The following RIT2 variants were observed in gnomAD, a reference collection of about 807,000 sequenced individuals.
RIT2 encodes GTP-binding protein Rit2.
In RIT2, 24 loss-of-function variants were observed where a neutral mutation model predicts 23.7. That is an observed-to-expected ratio of 1.01 (90% CI 0.73 to 1.43). The LOEUF is 1.43. RIT2 is among the 40% of genes most tolerant of loss of function. The pLI is 0.00. For missense variants in RIT2, 236 were observed against 266.9 expected, an observed-to-expected ratio of 0.88 and a Z score of 0.81; for synonymous variants, 107 against 91.1, an observed-to-expected ratio of 1.17 and a Z score of -0.99.
chr18:42,784,270 T>TAA (rs34931428), intron 4 of RIT2, among the ~76,000 whole-genome samples: 32 of 142,306 alleles, frequency 2.2e-4, no homozygotes, highest in African/African-American at 4.5e-4. Context: ...TCCCTTGCGC[T>TAA]AAAAAAAAAA....
chr18:42,822,992 A>G (rs569780319), intron 4 of RIT2, among the ~76,000 whole-genome samples: 22 of 152,128 alleles, frequency 1.4e-4, no homozygotes, highest in Non-Finnish European at 2.8e-4. Context: ...ACTGTGCCCA[A>G]GAAAACTATG....
chr18:42,880,301 C>G (rs569712024), intron 4 of RIT2, among the ~76,000 whole-genome samples: 2 of 152,250 alleles, frequency 1.3e-5, no homozygotes, highest in African/African-American at 4.8e-5. Flanking sequence ...ATTTCTTTCT[C>G]AGTTTTCTCT....
intron 4 of RIT2, among the ~76,000 whole-genome samples, chr18:42,778,668 C>G (rs567114186): frequency 1.5e-4 from 21 of 136,674 alleles, no homozygotes; most frequent in Non-Finnish European, 3.3e-4. Context: ...CTCTATTACC[C>G]ACCACATGAT....
intron 4 of RIT2, among the ~76,000 whole-genome samples, chr18:42,847,853 T>C (rs1245863976): frequency 6.6e-6 from 1 of 151,540 alleles, no homozygotes; most frequent in East Asian, 1.9e-4. Flanking sequence ...AATTAACAAA[T>C]TGCTGTATTT....
At chr18:42,945,127 T>A (rs58176638) in intron 3 of RIT2, among the ~76,000 whole-genome samples, 4,954 of 152,192 alleles carry the variant, frequency 0.033, 248 homozygotes, top group African/African-American at 0.11. Flanking sequence ...ATTAATTACA[T>A]TAATTTCTAT....
chr18:43,076,681 A>G lies in RIT2; in HGVS notation c.103+38736T>C, dbSNP rs146876780. Reference sequence around the variant, plus strand: ...GAGGTCCATAGATATGTCTAGCAACATCTCTTTCTAGCTCACGATGCTGAA... The same window carrying G: ...GAGGTCCATAGATATGTCTAGCAACGTCTCTTTCTAGCTCACGATGCTGAA... On this transcript the variant is annotated intron_variant, in intron 1 of 4. Transcript: ENST00000326695. Among the ~76,000 whole-genome samples, 1,488 of 152,350 alleles carry G rather than the reference A, an allele frequency of 9.8e-3. 20 individuals are homozygous for G. The highest frequency in any genetic ancestry group is 0.016 in the Non-Finnish European group (1,071 of 68,032).
intron 4 of RIT2, among the ~76,000 whole-genome samples, chr18:42,909,052 T>C (rs1356767140): frequency 6.6e-6 from 1 of 152,054 alleles, no homozygotes; most frequent in East Asian, 1.9e-4. Flanking sequence ...CAATTCACAA[T>C]TGCAAGGATA....
chr18:42,834,663 T>C (rs1451255698), intron 4 of RIT2, among the ~76,000 whole-genome samples: 1 of 152,130 alleles, frequency 6.6e-6, no homozygotes, highest in Non-Finnish European at 1.5e-5. Context: ...TACTGAGTAG[T>C]TAGGGAAATG....
At chr18:42,928,175 G>A (rs1011226800) in intron 3 of RIT2, among the ~76,000 whole-genome samples, 1 of 151,962 alleles carries the variant, frequency 6.6e-6, no homozygotes, top group Admixed American at 6.6e-5. Flanking sequence ...TAATAAGTCC[G>A]TCAGTCATAC....
At chr18:42,767,013 A>G (rs192985359) in intron 4 of RIT2, among the ~76,000 whole-genome samples, 8 of 152,180 alleles carry the variant, frequency 5.3e-5, no homozygotes, top group Non-Finnish European at 1.0e-4. Flanking sequence ...CCCAGGCAAA[A>G]GTTTGCTGCA....
chr18:42,747,043 C>T (rs182290203), intron 4 of RIT2, among the ~76,000 whole-genome samples: 142 of 152,032 alleles, frequency 9.3e-4, no homozygotes, highest in African/African-American at 2.9e-3. Context: ...TACTGGAAGT[C>T]CTAGGCAGAA....
intron 4 of RIT2, among the ~76,000 whole-genome samples, chr18:42,893,726 C>A (rs1361201262): frequency 3.3e-5 from 5 of 151,888 alleles, no homozygotes; most frequent in Non-Finnish European, 5.9e-5. Context: ...TATGAATTAC[C>A]AAGTATCTAT....
intron 1 of RIT2, among the ~76,000 whole-genome samples, chr18:43,066,582 GATAAGC>G (rs2144330020): frequency 6.6e-6 from 1 of 152,228 alleles, no homozygotes; most frequent in South Asian, 2.1e-4. Flanking sequence ...GAGAAACAAA[GATAAGC>G]ACATGGTTGT....
chr18:42,934,037 AAG>A (rs1206153412), intron 3 of RIT2, among the ~76,000 whole-genome samples: 1 of 42,146 alleles, frequency 2.4e-5, no homozygotes, highest in African/African-American at 5.5e-5. Flanking sequence ...AAAAAAAAAA[AAG>A]AAAAAAAAAA....
rs577762395 is a variant in RIT2 at position 43,101,539 on chromosome 18, G to A, written c.103+13878C>T. Among the ~76,000 whole-genome samples, 5 of 152,268 alleles carry A rather than the reference G, an allele frequency of 3.3e-5. No homozygotes were observed. The East Asian group carries it at 9.6e-4, about 29-fold the overall frequency. On this transcript the variant is annotated intron_variant, in intron 1 of 4. Coordinates refer to ENST00000326695, the MANE Select transcript of RIT2 (RefSeq NM_002930.4). ...GAAGCCCTGTGTCGTGCAACATTAA[G>A]AGATCTAGAAGAAGAGGAAGAATCA...
At chr18:43,038,641 T>C (rs542807962) in intron 1 of RIT2, among the ~76,000 whole-genome samples, 2 of 152,278 alleles carry the variant, frequency 1.3e-5, no homozygotes, top group Admixed American at 6.5e-5. Flanking sequence ...CAATTTCTGA[T>C]TCTGTGTTTA....
At chr18:42,994,262 C>T (rs899078619) in intron 2 of RIT2, among the ~76,000 whole-genome samples, 6 of 152,110 alleles carry the variant, frequency 3.9e-5, no homozygotes, top group African/African-American at 1.4e-4. Flanking sequence ...GGACAGCCCC[C>T]GTTACTTCAG....
chr18:42,820,369 T>TA (rs886491086), intron 4 of RIT2, among the ~76,000 whole-genome samples: 50 of 146,432 alleles, frequency 3.4e-4, no homozygotes, highest in East Asian at 5.9e-4. Context: ...ACAAACCAGT[T>TA]AAAAAAAAAA....
intron 4 of RIT2, among the ~76,000 whole-genome samples, chr18:42,897,249 TGA>T (rs762854080): frequency 3.3e-5 from 5 of 152,108 alleles, no homozygotes; most frequent in Non-Finnish European, 7.4e-5. Flanking sequence ...GTTTCAGTCC[TGA>T]GAGAGAGAGA....
Sources: allele counts gnomAD v4.1 joint callset (sites outside exome capture counted in the v4.1 genomes callset), GRCh38; gene constraint gnomAD v4.1.1; transcripts MANE v1.5; gene names NCBI Gene and HGNC (gene_info 2026-07-23, HGNC 2026-07-21).